Variants in LARP1B observed in about 807,000 individuals in gnomAD.
LARP1B encodes the protein La ribonucleoprotein 1B, also known as la-related protein 1B.
In LARP1B, 76 loss-of-function variants were observed where a neutral mutation model predicts 114.2. That is an observed-to-expected ratio of 0.67 (90% CI 0.55 to 0.81). LARP1B has a LOEUF of 0.81. LARP1B is among the 30% of genes least tolerant of loss of function. The pLI is 0.00. For synonymous variants in LARP1B, 345 were observed against 348.0 expected (o/e 0.99, Z 0.10); for missense variants, 1,014 against 1,075.8 (o/e 0.94, Z 0.80).
At chr4:128,221,613 G>A (rs1374383021) in intron 7 of LARP1B, among the ~76,000 whole-genome samples, 1 of 152,142 alleles carries the variant, frequency 6.6e-6, no homozygotes, top group African/African-American at 2.4e-5. Context: ...TTCTCCATGT[G>A]TTTTAAGATT....
chr4:128,103,542 G>A (rs1384042309), intron 8 of LARP1B, among the ~76,000 whole-genome samples: 3 of 147,670 alleles, frequency 2.0e-5, no homozygotes, highest in Admixed American at 2.0e-4. Context: ...TACATACAAT[G>A]TTTGTTATGC....
In LARP1B at chr4:128,082,146, T is replaced by G. The variant is rs370263945; in HGVS notation, c.218-19T>G. On this transcript the variant is annotated intron_variant, in intron 4 of 19. Coordinates refer to ENST00000326639, the MANE Select transcript of LARP1B (RefSeq NM_018078.4). ...TGAAAATTGTACATTTGTCCTTAAA[T>G]GATTTTGTTTTCTTCAAGCTAATAA... 2.5e-5 allele frequency: 40 copies of G among 1,604,756 alleles called. No individual in the cohort carries two copies. The highest frequency in any genetic ancestry group is 3.2e-5 in the Non-Finnish European group (38 of 1,177,114).
intron 9 of LARP1B, among the ~76,000 whole-genome samples, chr4:128,113,119 A>G (rs1209444500): frequency 6.6e-6 from 1 of 152,206 alleles, no homozygotes; most frequent in Non-Finnish European, 1.5e-5. Context: ...TGATGTTAAG[A>G]ATTTTATGGT....
At chr4:128,129,870 G>A (rs1415026254) in intron 11 of LARP1B, among the ~76,000 whole-genome samples, 1 of 151,918 alleles carries the variant, frequency 6.6e-6, no homozygotes, top group East Asian at 1.9e-4. Flanking sequence ...TAAAGTGGAC[G>A]GACCATCGTC....
In LARP1B at chr4:128,091,099, AGAGGCC is replaced by A. The variant is rs1775750358; in HGVS notation, c.462_467del (p.Arg163_Gly164del). The A allele has an allele frequency of 6.2e-7, 1 of 1,613,952 alleles. No individual in the cohort carries two copies. The highest frequency in any genetic ancestry group is 8.5e-7 in the Non-Finnish European group (1 of 1,179,868). Reference sequence around the variant, plus strand: ...CCGAGGTTCCTTTAGAGGTCGAGGAAGAGGCCGAGGACGGGGAAGAGGACGAGGCAG... The same window carrying A: ...CCGAGGTTCCTTTAGAGGTCGAGGAAGAGGACGGGGAAGAGGACGAGGCAG... On this transcript the variant is annotated inframe_deletion, in exon 6 of 20. Transcript: ENST00000326639.
intron 12 of LARP1B, among the ~76,000 whole-genome samples, chr4:128,163,690 G>T (rs1739503129): frequency 6.6e-6 from 1 of 152,116 alleles, no homozygotes; most frequent in African/African-American, 2.4e-5. Flanking sequence ...GGTGACTAAT[G>T]AAGTTTTTGT....
chr4:128,125,702 C>T (rs979502182), intron 11 of LARP1B, among the ~76,000 whole-genome samples: 14 of 152,122 alleles, frequency 9.2e-5, no homozygotes, highest in African/African-American at 1.9e-4. Context: ...GTGGAGATCA[C>T]GTCAATGCAT....
At chr4:128,155,164 C>A (rs532677549) in intron 11 of LARP1B, among the ~76,000 whole-genome samples, 4 of 152,240 alleles carry the variant, frequency 2.6e-5, no homozygotes, top group African/African-American at 9.6e-5. Flanking sequence ...ATAACAACAA[C>A]AACAAAAACA....
Position 128,199,553 on chromosome 4 carries a change from C to T in LARP1B, c.2118C>T (p.Gly706=), listed in dbSNP as rs145541337. Residue 706 remains glycine, a synonymous_variant, in exon 16 of 20, where the codon GGC becomes GGT. Coordinates refer to ENST00000326639, the MANE Select transcript of LARP1B (RefSeq NM_018078.4). The part of the protein sequence containing the change: ...HPSHELLKEN[G]FTQQVYHKYR... Reference sequence around the variant, plus strand: ...CTCATGAACTTTTGAAGGAAAATGGCTTTACCCAACAAGTGTACCACAAGT... The same window carrying T: ...CTCATGAACTTTTGAAGGAAAATGGTTTTACCCAACAAGTGTACCACAAGT... 0.024 allele frequency: 37,651 copies of T among 1,597,266 alleles called. 570 individuals are homozygous for T. The highest frequency in any genetic ancestry group is 0.029 in the Non-Finnish European group (33,529 of 1,170,782).
At chr4:128,097,326 A>T in intron 7 of LARP1B, among the ~76,000 whole-genome samples, 1 of 149,878 alleles carries the variant, frequency 6.7e-6, no homozygotes, top group African/African-American at 2.5e-5. Context: ...TTTTTTTTTG[A>T]GATGGAGTTT....
At chr4:128,128,944 C>A (rs1239223769) in intron 11 of LARP1B, among the ~76,000 whole-genome samples, 1 of 151,994 alleles carries the variant, frequency 6.6e-6, no homozygotes, top group Non-Finnish European at 1.5e-5. Flanking sequence ...GTGGGCAGAT[C>A]ACGAGGTCAG....
intron 11 of LARP1B, among the ~76,000 whole-genome samples, chr4:128,153,291 C>T (rs1321208672): frequency 8.3e-6 from 1 of 120,982 alleles, no homozygotes; most frequent in African/African-American, 3.3e-5. Flanking sequence ...CCTTGGTTTG[C>T]CATTTATTTA....
At chr4:128,086,754 A>T (rs1474656444) in intron 5 of LARP1B, among the ~76,000 whole-genome samples, 1 of 152,124 alleles carries the variant, frequency 6.6e-6, no homozygotes, top group Non-Finnish European at 1.5e-5. Flanking sequence ...TTGTGTTAAT[A>T]TTGAGTTAGC....
At chr4:128,170,746 ATAGT>A (rs1743180969) in intron 12 of LARP1B, among the ~76,000 whole-genome samples, 1 of 151,950 alleles carries the variant, frequency 6.6e-6, no homozygotes, top group South Asian at 2.1e-4. Context: ...TAGATAGCAT[ATAGT>A]TAGTTCATGT....
At chr4:128,073,643 T>C (rs1021903843) in intron 1 of LARP1B, among the ~76,000 whole-genome samples, 7 of 115,978 alleles carry the variant, frequency 6.0e-5, no homozygotes, top group African/African-American at 2.3e-4. Context: ...CCAGCTGGAG[T>C]GCAGTGGTGC....
rs1762262058 is a variant in LARP1B at position 128,065,320 on chromosome 4, TCTCTCTCTCTCTTTCC to T, written c.-78+3920_-78+3935del. Among the ~76,000 whole-genome samples the T allele has an allele frequency of 4.9e-5, 4 of 82,304 alleles. No homozygotes were observed. The South Asian group carries it at 1.7e-3, about 35-fold the overall frequency. The allele number at this position is 82,304 out of a possible 152,430, so 54.0% of individuals were successfully genotyped here. On this transcript the variant is annotated intron_variant, in intron 1 of 19. Transcript: ENST00000326639. ...TTCTTTCTTTCTTTCTTTCTTTCTC[TCTCTCTCTCTCTTTCC>T]TTTCTTTTCTTTTCTTTTCTTTTCT...
intron 8 of LARP1B, among the ~76,000 whole-genome samples, chr4:128,105,719 G>A (rs1242391659): frequency 2.0e-5 from 3 of 151,952 alleles, no homozygotes; most frequent in African/African-American, 7.3e-5. Context: ...GTGAAACCCC[G>A]TCTCTACTAA....
At chr4:128,159,138 G>A (rs545338147) in intron 11 of LARP1B, among the ~76,000 whole-genome samples, 11 of 149,364 alleles carry the variant, frequency 7.4e-5, no homozygotes, top group Admixed American at 4.7e-4. Context: ...GTACCACTGC[G>A]TTCCAGTCTG....
Position 128,210,494 on chromosome 4 carries a change from A to G in LARP1B, c.*441A>G, listed in dbSNP as rs1473133306. On this transcript the variant is annotated 3_prime_UTR_variant, in exon 20 of 20. Coordinates refer to ENST00000326639, the MANE Select transcript of LARP1B (RefSeq NM_018078.4). The stretch of plus-strand genomic sequence containing the variant: ...GCTTTCTTAAAGAATCCACAATCCA[A>G]TTACCCCACTGTCAATTCATATTTG... 7.1e-6 allele frequency: 7 copies of G among 988,630 alleles called. No homozygotes were observed. In the South Asian group the frequency reaches 1.8e-4, roughly 26 times the overall value. The allele number at this position is 988,630 out of a possible 1,614,324, so 61.2% of individuals were successfully genotyped here. A position where few individuals can be genotyped will look rare whatever the true frequency, so the allele number is the denominator to read the frequency against.
Sources: gnomAD v4.1 joint callset for allele counts (sites outside exome capture counted in the v4.1 genomes callset) on GRCh38, gnomAD v4.1.1 for gene constraint, MANE v1.5 for transcripts, NCBI Gene and HGNC (gene_info 2026-07-23, HGNC 2026-07-21) for gene names.